The following HDAC4 variants were observed in gnomAD, a reference collection of about 807,000 sequenced individuals.
HDAC4 encodes histone deacetylase 4.
HDAC4 carries 16 observed loss-of-function variants against 135.1 expected under a neutral mutation model. The observed-to-expected ratio is 0.12, with a 90% CI of 0.08 to 0.18. The LOEUF is 0.18. Among genes scored for constraint, HDAC4 ranks in the 10% least tolerant of loss-of-function variants. The pLI, the probability that HDAC4 is intolerant of heterozygous loss-of-function variation, is 1.00. For missense variants in HDAC4, 1,143 were observed against 1,511.8 expected, an observed-to-expected ratio of 0.76 and a Z score of 4.05; for synonymous variants, 685 against 653.4, an observed-to-expected ratio of 1.05 and a Z score of -0.74.
At chr2:239,118,731 G>A (rs944455594) in intron 12 of HDAC4, among the ~76,000 whole-genome samples, 4 of 152,100 alleles carry the variant, frequency 2.6e-5, no homozygotes, top group Non-Finnish European at 5.9e-5. Flanking sequence ...GACTGTTTCC[G>A]GTTAGACTTT....
chr2:239,308,410 T>A lies in HDAC4; in HGVS notation c.22+44268A>T, dbSNP rs2052713555. 6.6e-6 allele frequency among the ~76,000 whole-genome samples: 1 copy of A among 150,714 alleles called. No homozygotes were observed. Among genetic ancestry groups the A allele is most frequent in the African/African-American group, 2.5e-5 (1 of 40,706 alleles). ...CATGAGGCTGTAATCAACTTGGGAG[T>A]GAGGAGTTCCTTAGCTTCCTGTTTT... On this transcript the variant is annotated intron_variant, in intron 2 of 26. Transcript: ENST00000543185. The surrounding 1 kb of genome is among the most constrained non-coding windows in gnomAD (Gnocchi z 4.2).
intron 6 of HDAC4, among the ~76,000 whole-genome samples, chr2:239,162,696 C>T (rs1046189263): frequency 5.3e-5 from 8 of 152,202 alleles, no homozygotes; most frequent in South Asian, 2.1e-4. Context: ...CAAATCCAGA[C>T]GGTGTGTCTG....
At chr2:239,305,215 C>A (rs541837460) in intron 2 of HDAC4, among the ~76,000 whole-genome samples, 11 of 152,246 alleles carry the variant, frequency 7.2e-5, no homozygotes, top group Non-Finnish European at 1.6e-4. Context: ...TTTCTAACTG[C>A]ATGGCCATGA....
At chr2:239,384,443 T>C (rs1695643488) in intron 1 of HDAC4, among the ~76,000 whole-genome samples, 1 of 121,698 alleles carries the variant, frequency 8.2e-6, no homozygotes, top group Non-Finnish European at 1.6e-5. Context: ...GTGAGACCCC[T>C]GTCTCTACAA....
In HDAC4 at chr2:239,281,000, A is replaced by G. The variant is rs1292554299; in HGVS notation, c.23-44336T>C. On this transcript the variant is annotated intron_variant, in intron 2 of 26. Transcript: ENST00000543185. ...ACACACCACTCTACACACAATGTAC[A>G]CACCACTCTCAATGTACACACCACT... 1.3e-4 allele frequency among the ~76,000 whole-genome samples: 17 copies of G among 134,738 alleles called. 1 individual carries two copies. The highest frequency in any genetic ancestry group is 2.6e-4 in the Non-Finnish European group (16 of 61,600). The allele number at this position is 134,738 out of a possible 152,430, so 88.4% of individuals were successfully genotyped here.
intron 2 of HDAC4, among the ~76,000 whole-genome samples, chr2:239,348,785 A>C (rs181039194): frequency 9.8e-5 from 15 of 152,374 alleles, no homozygotes; most frequent in Non-Finnish European, 1.5e-4. Context: ...AAGTCAATCC[A>C]GGTTCTTCCC....
chr2:239,210,562 C>T (rs3791598), intron 3 of HDAC4, among the ~76,000 whole-genome samples: 21,165 of 152,246 alleles, frequency 0.14, 1,585 homozygotes, highest in East Asian at 0.23. Context: ...GTGAGCACAA[C>T]GGCTTGGGGC....
At chr2:239,276,544 C>T (rs2050376517) in intron 2 of HDAC4, among the ~76,000 whole-genome samples, 1 of 152,216 alleles carries the variant, frequency 6.6e-6, no homozygotes, top group Non-Finnish European at 1.5e-5. Flanking sequence ...GTCATGGGGA[C>T]CTAAGTCCCT....
Position 239,319,908 on chromosome 2 carries a change from C to T in HDAC4, c.22+32770G>A, listed in dbSNP as rs550613062. Among the ~76,000 whole-genome samples the T allele has an allele frequency of 2.0e-5, 3 of 152,192 alleles. No homozygotes were observed. In the East Asian group the frequency reaches 5.8e-4, roughly 29 times the overall value. ...GTATGATAAAACTTTTTTTTGGAAA[C>T]AGCAGAATGAAAAGCAAACATGTAA... On this transcript the variant is annotated intron_variant, in intron 2 of 26. Transcript: ENST00000543185.
chr2:239,243,559 C>T (rs1371701588), intron 2 of HDAC4, among the ~76,000 whole-genome samples: 2 of 152,182 alleles, frequency 1.3e-5, no homozygotes, highest in Non-Finnish European at 2.9e-5. Flanking sequence ...TCACTGTGCA[C>T]ACCCCACTGT....
At chr2:239,393,820 T>C (rs1696385584) in intron 1 of HDAC4, among the ~76,000 whole-genome samples, 1 of 152,246 alleles carries the variant, frequency 6.6e-6, no homozygotes, top group Non-Finnish European at 1.5e-5. Context: ...GTCATGGGGC[T>C]GGCCACTGCG....
chr2:239,263,513 C>G (rs1233746864), intron 2 of HDAC4, among the ~76,000 whole-genome samples: 1 of 152,226 alleles, frequency 6.6e-6, no homozygotes, highest in Non-Finnish European at 1.5e-5. Flanking sequence ...CAGGGCAGCT[C>G]TTGGCACTGA....
At chr2:239,190,938 G>C (rs2044900003) in intron 3 of HDAC4, 1 of 466,618 alleles carries the variant, frequency 2.1e-6, no homozygotes, top group African/African-American at 2.0e-5. Context: ...TTTTACGGCA[G>C]GTCCCTATTC....
At chr2:239,056,963 T>G (rs1163312400) in intron 24 of HDAC4, among the ~76,000 whole-genome samples, 1 of 152,096 alleles carries the variant, frequency 6.6e-6, no homozygotes, top group African/African-American at 2.4e-5. Flanking sequence ...TGAAAAACCA[T>G]GAAAGACTGA....
At chr2:239,104,524 C>G (rs1279497846) in intron 15 of HDAC4, among the ~76,000 whole-genome samples, 1 of 152,252 alleles carries the variant, frequency 6.6e-6, no homozygotes, top group Non-Finnish European at 1.5e-5. Context: ...GCCACCGCAC[C>G]TGGCCAGGGC....
rs1444707130 is a variant in HDAC4 at position 239,167,361 on chromosome 2, C to T, written c.491-3438G>A. 6.6e-6 allele frequency among the ~76,000 whole-genome samples: 1 copy of T among 152,204 alleles called. No homozygotes were observed. Among genetic ancestry groups the T allele is most frequent in the Non-Finnish European group, 1.5e-5 (1 of 68,032 alleles). On this transcript the variant is annotated intron_variant, in intron 5 of 26. Coordinates refer to ENST00000543185, the MANE Select transcript of HDAC4 (RefSeq NM_001378414.1). This position sits in a 1 kb window ranked among gnomAD's most constrained non-coding sequence, Gnocchi z 4.1. ...GGTGACTTGGCCACAAGCCTGGGTC[C>T]TGCCTGGCTCCCTCTATGCAGGGCT...
chr2:239,209,097 T>G (rs2046226221), intron 3 of HDAC4, among the ~76,000 whole-genome samples: 1 of 152,216 alleles, frequency 6.6e-6, no homozygotes, highest in Non-Finnish European at 1.5e-5. Context: ...CTCAGGCTGG[T>G]CTTGAACTCC....
chr2:239,078,600 A>G (rs1257239472), intron 22 of HDAC4, among the ~76,000 whole-genome samples: 1 of 152,168 alleles, frequency 6.6e-6, no homozygotes, highest in African/African-American at 2.4e-5. Flanking sequence ...AGTTCACTTG[A>G]TAAGGTATTA....
At chr2:239,147,524 C>T (rs2041843799) in intron 7 of HDAC4, among the ~76,000 whole-genome samples, 1 of 152,284 alleles carries the variant, frequency 6.6e-6, no homozygotes, top group African/African-American at 2.4e-5. Flanking sequence ...CTCAGTGCAG[C>T]AGCCCCTTCA....
Sources: gnomAD v4.1 joint callset for allele counts (sites outside exome capture counted in the v4.1 genomes callset) on GRCh38, gnomAD v4.1.1 for gene constraint, Gnocchi (gnomAD v3.1) non-coding constraint, MANE v1.5 for transcripts, NCBI Gene and HGNC (gene_info 2026-07-23, HGNC 2026-07-21) for gene names.